The following LTN1 variants were observed in gnomAD, a reference collection of about 807,000 sequenced individuals.
LTN1 encodes listerin E3 ubiquitin protein ligase 1, also known as E3 ubiquitin-protein ligase listerin.
LTN1 carries 88 observed loss-of-function variants against 201.2 expected under a neutral mutation model. The observed-to-expected ratio is 0.44, with a 90% CI of 0.37 to 0.52. The LOEUF is 0.52. Among genes scored for constraint, LTN1 ranks in the 20% least tolerant of loss-of-function variants. The pLI is 0.00. For synonymous variants in LTN1, 645 were observed against 713.5 expected (o/e 0.90, Z 1.53); for missense variants, 1,752 against 2,038.7 (o/e 0.86, Z 2.71).
intron 13 of LTN1, among the ~76,000 whole-genome samples, chr21:28,959,180 C>T (rs1010113447): frequency 2.0e-5 from 3 of 152,170 alleles, no homozygotes; most frequent in African/African-American, 7.2e-5. Flanking sequence ...AATTAAGGAA[C>T]ATGCCAGAAC....
chr21:28,980,781 A>G (rs2084652429), intron 6 of LTN1, among the ~76,000 whole-genome samples: 1 of 152,168 alleles, frequency 6.6e-6, no homozygotes, highest in Admixed American at 6.5e-5. Context: ...TAAACATAGT[A>G]GACCAGTCAG....
chr21:28,953,460 T>C (rs1416297941), intron 16 of LTN1, 84 bp from the exon 17 acceptor site: 5 of 1,020,692 alleles, frequency 4.9e-6, no homozygotes, highest in Non-Finnish European at 7.1e-6. Flanking sequence ...CCTTGTTTTC[T>C]AACACTGTTG....
chr21:28,969,407 G>C lies in LTN1; in HGVS notation c.1311+59C>G, dbSNP rs868584482. The C allele has an allele frequency of 3.2e-5, 45 of 1,421,984 alleles. No homozygotes were observed. In the African/African-American group the frequency reaches 5.0e-4, roughly 16 times the overall value. 88.1% of individuals were successfully genotyped at this position (1,421,984 alleles called of 1,614,324 possible). A position where few individuals can be genotyped will look rare whatever the true frequency, so the allele number is the denominator to read the frequency against. On this transcript the variant is annotated intron_variant, in intron 9 of 29. Coordinates refer to ENST00000361371, the MANE Select transcript of LTN1 (RefSeq NM_015565.3). Reference sequence around the variant, plus strand: ...ACTGTAAATGGCAACAAGACACAATGAGCTTGATCCTACATAATCAGTATG... The same window carrying C: ...ACTGTAAATGGCAACAAGACACAATCAGCTTGATCCTACATAATCAGTATG...
chr21:28,946,850 T>C (rs1188838964), intron 19 of LTN1, among the ~76,000 whole-genome samples: 1 of 152,182 alleles, frequency 6.6e-6, no homozygotes, highest in Non-Finnish European at 1.5e-5. Context: ...TCTGTACCCT[T>C]GTATGTTTTT....
At chr21:28,960,187 C>A (rs911373702) in intron 12 of LTN1, among the ~76,000 whole-genome samples, 2 of 151,668 alleles carry the variant, frequency 1.3e-5, no homozygotes, top group Non-Finnish European at 2.9e-5. Flanking sequence ...GCCAACACAG[C>A]GAAACCCCGT....
At chr21:28,951,804 C>A (rs570201463) in intron 18 of LTN1, among the ~76,000 whole-genome samples, 1 of 151,760 alleles carries the variant, frequency 6.6e-6, no homozygotes, top group Admixed American at 6.6e-5. Context: ...AGACACCATC[C>A]CTACAAAATT....
At chr21:28,942,013 A>G (rs1230024238) in intron 24 of LTN1, among the ~76,000 whole-genome samples, 3 of 152,194 alleles carry the variant, frequency 2.0e-5, no homozygotes, top group African/African-American at 7.2e-5. Flanking sequence ...ACTCATTTAT[A>G]CTTTCAGGTG....
chr21:28,969,441 C>T, intron 9 of LTN1, 25 bp downstream of exon 9: 2 of 1,594,338 alleles, frequency 1.3e-6, no homozygotes, highest in Non-Finnish European at 1.7e-6. Flanking sequence ...TGCAAAGAGA[C>T]TGACGACTTT....
At chr21:28,944,688 C>G in intron 21 of LTN1, 92 bp from the exon 22 acceptor site, 1 of 912,672 alleles carries the variant, frequency 1.1e-6, no homozygotes, top group Middle Eastern at 2.4e-4. Context: ...ACTTTCATTT[C>G]TTTGAATTTT....
At chr21:28,957,579 G>A (rs2084436965) in intron 14 of LTN1, 103 bp from the exon 15 acceptor site, 1 of 686,492 alleles carries the variant, frequency 1.5e-6, no homozygotes, top group East Asian at 3.2e-5. Flanking sequence ...TGAACAAAAA[G>A]AAATGATGAA....
intron 16 of LTN1, among the ~76,000 whole-genome samples, chr21:28,953,603 T>C (rs1324378358): frequency 6.6e-6 from 1 of 152,212 alleles, no homozygotes; most frequent in Non-Finnish European, 1.5e-5. Context: ...TGGTCCTTTT[T>C]CTAATTAGTT....
chr21:28,942,666 T>TACA (rs1568835360), intron 24 of LTN1, among the ~76,000 whole-genome samples: 1 of 152,172 alleles, frequency 6.6e-6, no homozygotes, highest in Non-Finnish European at 1.5e-5. Context: ...TTAACTTATG[T>TACA]TGTCTTTCCT....
intron 15 of LTN1, 43 bp from the exon 16 acceptor site, chr21:28,956,991 A>T: frequency 8.2e-7 from 1 of 1,212,764 alleles, no homozygotes; most frequent in Non-Finnish European, 1.1e-6. Context: ...TTATTACCTA[A>T]GCAATTGAGA....
intron 24 of LTN1, 62 bp downstream of exon 24, chr21:28,943,200 G>T: frequency 1.0e-6 from 1 of 970,880 alleles, no homozygotes; most frequent in Non-Finnish European, 1.6e-6. Flanking sequence ...GTCCTCTAAA[G>T]ACATTATAAG....
chr21:28,944,649 C>T, intron 21 of LTN1, 53 bp from the exon 22 acceptor site: 9 of 1,235,026 alleles, frequency 7.3e-6, no homozygotes, highest in Non-Finnish European at 1.0e-5. Flanking sequence ...CAGAACACTA[C>T]AAATAAAGCC....
At chr21:28,943,388 G>A in intron 23 of LTN1, 52 bp from the exon 24 acceptor site, 2 of 1,145,840 alleles carry the variant, frequency 1.7e-6, no homozygotes, top group Non-Finnish European at 1.3e-6. Context: ...TGTTTATTAA[G>A]TCGTGCTCAA....
Position 28,935,108 on chromosome 21 carries a change from C to A in LTN1, c.4875+1G>T. On this transcript the variant is annotated splice_donor_variant, in intron 27 of 29. Transcript: ENST00000361371. LOFTEE classifies it high-confidence loss of function. ...CTAGAGAAAGTCAAGACAATACTAA[C>A]CGTCATGCCATTAAATAGTTGTGTA... 2 of 1,589,018 alleles carry A rather than the reference C, an allele frequency of 1.3e-6. No homozygotes were observed. Among genetic ancestry groups the A allele is most frequent in the Non-Finnish European group, 1.7e-6 (2 of 1,158,114 alleles).
intron 14 of LTN1, 86 bp downstream of exon 14, chr21:28,958,300 A>T: frequency 8.0e-7 from 1 of 1,245,302 alleles, no homozygotes; most frequent in Non-Finnish European, 1.1e-6. Flanking sequence ...CATTTTTCAT[A>T]GGCACTCACA....
chr21:28,941,864 C>A (rs1351536791), intron 24 of LTN1, among the ~76,000 whole-genome samples: 3 of 151,928 alleles, frequency 2.0e-5, no homozygotes, highest in African/African-American at 7.3e-5. Context: ...CACAATGATA[C>A]TATTAATCGG....
Sources: gnomAD v4.1 joint callset for allele counts (sites outside exome capture counted in the v4.1 genomes callset) on GRCh38, gnomAD v4.1.1 for gene constraint, MANE v1.5 for transcripts, NCBI Gene and HGNC (gene_info 2026-07-23, HGNC 2026-07-21) for gene names.